RPS3: variants seen among roughly 807,000 people sequenced by gnomAD.
The protein encoded by RPS3 is ribosomal protein S3.
RPS3 carries 2 observed loss-of-function variants against 25.8 expected under a neutral mutation model. That is an observed-to-expected ratio of 0.08 (90% CI 0.03 to 0.24). The LOEUF is 0.24. Among genes scored for constraint, RPS3 ranks in the 10% least tolerant of loss-of-function variants. The pLI is 1.00. For synonymous variants in RPS3, 114 were observed against 114.2 expected, an observed-to-expected ratio of 1.00 and a Z score of 0.01; for missense variants, 107 against 307.1, an observed-to-expected ratio of 0.35 and a Z score of 4.87.
Position 75,405,885 on chromosome 11 carries a change from G to A in RPS3, c.*275G>A, listed in dbSNP as rs766283708. Reference sequence around the variant, plus strand: ...AGCAAGCAAGGCAGCACCTTGATTCGTTGTCCTGTAGTTCAGGATTGTAGG... The same window carrying A: ...AGCAAGCAAGGCAGCACCTTGATTCATTGTCCTGTAGTTCAGGATTGTAGG... On this transcript the variant is annotated 3_prime_UTR_variant, in exon 7 of 7. Coordinates refer to ENST00000531188, the MANE Select transcript of RPS3 (RefSeq NM_001005.5). 90 of 248,810 alleles carry A rather than the reference G, an allele frequency of 3.6e-4. No homozygotes were observed. Among genetic ancestry groups the A allele is most frequent in the Non-Finnish European group, 6.2e-4 (76 of 123,026 alleles). The allele number at this position is 248,810 out of a possible 1,614,324, so 15.4% of individuals were successfully genotyped here.
chr11:75,410,858 C>T (rs184925699), downstream of RPS3, among the ~76,000 whole-genome samples: 2,113 of 152,280 alleles, frequency 0.014, 42 homozygotes, highest in African/African-American at 0.048. Flanking sequence ...TGGCGGCGCG[C>T]GCCTGCAATC....
chr11:75,401,139 C>T (rs1427374823), intron 2 of RPS3, among the ~76,000 whole-genome samples: 1 of 152,182 alleles, frequency 6.6e-6, no homozygotes, highest in Admixed American at 6.5e-5. Flanking sequence ...GCCTCAGCCT[C>T]CCAAAGTGCT....
At chr11:75,408,479 A>AT (rs761554933), downstream of RPS3, among the ~76,000 whole-genome samples, 1 of 140,942 alleles carries the variant, frequency 7.1e-6, no homozygotes, top group Non-Finnish European at 1.7e-5. Flanking sequence ...TCTCAAAAAA[A>AT]TAAAAAAAAA....
downstream of RPS3, among the ~76,000 whole-genome samples, chr11:75,410,282 G>A (rs1257992616): frequency 6.6e-6 from 1 of 151,556 alleles, no homozygotes; most frequent in East Asian, 2.0e-4. Flanking sequence ...CGGGGCGGTT[G>A]CCAGGCAGAG....
At chr11:75,401,391 C>A (rs1011241017) in intron 2 of RPS3, among the ~76,000 whole-genome samples, 1 of 152,054 alleles carries the variant, frequency 6.6e-6, no homozygotes, top group Non-Finnish European at 1.5e-5. Flanking sequence ...CCCACCTATT[C>A]CAGAGGCTGA....
chr11:75,402,328 G>A, intron 3 of RPS3, 24 bp from the exon 4 acceptor site: 1 of 1,611,076 alleles, frequency 6.2e-7, no homozygotes, highest in Non-Finnish European at 8.5e-7. Context: ...GATGGTAACA[G>A]GATATCCCTT....
chr11:75,404,490 C>T lies in RPS3; in HGVS notation c.539-182C>T, dbSNP rs1304541435. ...TCTTGGTCCTTGTCAGTGCCATGTT[C>T]TGTGGTGCTGTGCACGAGTTCCTTT... On this transcript the variant is annotated intron_variant, in intron 5 of 6. Coordinates refer to ENST00000531188, the MANE Select transcript of RPS3 (RefSeq NM_001005.5). This position sits in a 1 kb window ranked among gnomAD's most constrained non-coding sequence, Gnocchi z 4.6. 2 of 801,320 alleles carry T rather than the reference C, an allele frequency of 2.5e-6. No homozygotes were observed. Among genetic ancestry groups the T allele is most frequent in the Admixed American group, 1.7e-5 (1 of 59,028 alleles). 49.6% of individuals were successfully genotyped at this position (801,320 alleles called of 1,614,324 possible).
chr11:75,417,967 C>G (rs1173245900), intron 6 of RPS3, among the ~76,000 whole-genome samples: 1 of 152,204 alleles, frequency 6.6e-6, no homozygotes, highest in African/African-American at 2.4e-5. Context: ...AGCCTCGGCC[C>G]GGATCAAGAT....
At chr11:75,407,678 G>C (rs544110695), downstream of RPS3, among the ~76,000 whole-genome samples, 3 of 152,122 alleles carry the variant, frequency 2.0e-5, no homozygotes, top group East Asian at 5.8e-4. Flanking sequence ...CACCGTGTTA[G>C]CCAGGATGGT....
intron 1 of RPS3, 96 bp from the exon 2 acceptor site, chr11:75,400,598 G>C (rs923271822): frequency 4.1e-5 from 64 of 1,543,878 alleles, no homozygotes; most frequent in Middle Eastern, 1.7e-4. Context: ...ATTTAGTTTT[G>C]GTGAGGGATG....
intron 6 of RPS3, among the ~76,000 whole-genome samples, chr11:75,417,815 TG>T (rs1440734296): frequency 6.6e-6 from 1 of 152,184 alleles, no homozygotes; most frequent in African/African-American, 2.4e-5. Flanking sequence ...GAACTGCTGG[TG>T]GTGTGCCCCA....
In RPS3 at chr11:75,399,524, C is replaced by T. The variant is rs766698183; in HGVS notation, c.-24C>T. ...TTCCGCCCGCGAGCCACTTCCTTTC[C>T]TTTCAGCGGAGCGCGGCGGCAAGAT... On this transcript the variant is annotated 5_prime_UTR_variant, in exon 1 of 7. Transcript: ENST00000531188. 1.3e-4 allele frequency: 215 copies of T among 1,613,760 alleles called. No individual in the cohort carries two copies. The highest frequency in any genetic ancestry group is 1.9e-4 in the African/African-American group (14 of 74,928).
intron 6 of RPS3, among the ~76,000 whole-genome samples, chr11:75,416,995 G>T (rs772965398): frequency 6.6e-6 from 1 of 152,094 alleles, no homozygotes; most frequent in Non-Finnish European, 1.5e-5. Flanking sequence ...ATTAGCCAAA[G>T]CTACATTTAT....
Position 75,404,191 on chromosome 11 carries a change from C to T in RPS3, c.522C>T (p.His174=), listed in dbSNP as rs537804636. 1.7e-5 allele frequency: 28 copies of T among 1,613,816 alleles called. No individual in the cohort carries two copies. Among genetic ancestry groups the T allele is most frequent in the South Asian group, 3.3e-5 (3 of 91,046 alleles). Residue 174 remains histidine, a synonymous_variant, in exon 5 of 7, where the codon CAC becomes CAT. Coordinates refer to ENST00000531188, the MANE Select transcript of RPS3 (RefSeq NM_001005.5). The surrounding 1 kb of genome is among the most constrained non-coding windows in gnomAD (Gnocchi z 4.6). ...ACTACGTTGACACTGCTGTGCGCCA[C>T]GTGTTGCTCAGACAGGGTGAGCAGC... ...VNYYVDTAVR[H]VLLRQGVLGI...
downstream of RPS3, among the ~76,000 whole-genome samples, chr11:75,411,236 T>C (rs953249488): frequency 6.6e-6 from 1 of 152,144 alleles, no homozygotes; most frequent in African/African-American, 2.4e-5. Flanking sequence ...GGTCTTGAAC[T>C]CTTGACCTGA....
chr11:75,412,133 T>A (rs1948362536), intron 6 of RPS3, among the ~76,000 whole-genome samples: 1 of 152,252 alleles, frequency 6.6e-6, no homozygotes, highest in African/African-American at 2.4e-5. Context: ...CTTTTGTACC[T>A]GGCTGTTTAC....
At chr11:75,417,511 G>A (rs1948409316) in intron 6 of RPS3, among the ~76,000 whole-genome samples, 1 of 152,192 alleles carries the variant, frequency 6.6e-6, no homozygotes, top group African/African-American at 2.4e-5. Flanking sequence ...GCAGGAGAAT[G>A]GCGTGAACCC....
chr11:75,399,811 C>G (rs1180941007), intron 1 of RPS3: 3 of 562,690 alleles, frequency 5.3e-6, no homozygotes, highest in Non-Finnish European at 9.4e-6. Flanking sequence ...GGCGCCCCTT[C>G]TGTCCCGGAG....
rs1432794861 is a variant in RPS3, at chr11:75,419,565, A to AG, written c.*4-2162_*4-2161insG. ...TGAGACTCCTTCTCAAACAAAAAAA[A>AG]AAAGAAAGAAAAAAAGAAAATCTAA... is the stretch of plus-strand genomic sequence containing the variant. On this transcript the variant is annotated intron_variant, in intron 6 of 6. Transcript: ENST00000527446. Among the ~76,000 whole-genome samples the AG allele has an allele frequency of 3.2e-3, 493 of 152,320 alleles. 1 individual carries two copies. Among genetic ancestry groups the AG allele is most frequent in the African/African-American group, 0.011 (461 of 41,582 alleles).
Sources: allele counts gnomAD v4.1 joint callset (sites outside exome capture counted in the v4.1 genomes callset), GRCh38; gene constraint gnomAD v4.1.1; non-coding constraint Gnocchi (gnomAD v3.1); transcripts MANE v1.5; gene names NCBI Gene and HGNC (gene_info 2026-07-23, HGNC 2026-07-21).